The following FNBP1 variants were observed in gnomAD, a reference collection of about 807,000 sequenced individuals.
FNBP1 encodes the protein formin-binding protein 1.
A neutral mutation model predicts 90.6 loss-of-function variants in FNBP1; 26 were observed. The ratio of observed to expected loss-of-function variants is 0.29; its 90% CI spans 0.21 to 0.40. The LOEUF is 0.40. Among genes scored for constraint, FNBP1 ranks in the 10% least tolerant of loss-of-function variants. The pLI is 1.00. For synonymous variants in FNBP1, 260 were observed against 265.2 expected, an observed-to-expected ratio of 0.98 and a Z score of 0.19; for missense variants, 635 against 768.0, an observed-to-expected ratio of 0.83 and a Z score of 2.05.
chr9:130,003,953 T>A (rs1208785873), intron 1 of FNBP1, among the ~76,000 whole-genome samples: 2 of 150,298 alleles, frequency 1.3e-5, no homozygotes, highest in East Asian at 3.9e-4. Flanking sequence ...CTGTAACCTA[T>A]TTTTTGCTCA....
At chr9:129,918,836 C>T (rs565225810) in intron 10 of FNBP1, among the ~76,000 whole-genome samples, 1 of 151,028 alleles carries the variant, frequency 6.6e-6, no homozygotes, top group South Asian at 2.1e-4. Flanking sequence ...AGTCACAGTC[C>T]CTTTAAAGAT....
At position 129,900,098 on chromosome 9, in the gene FNBP1, T is replaced by C. The variant is rs1157205856; in HGVS notation, c.1554A>G (p.Pro518=). The change falls in exon 15 of 17, where the codon CCA becomes CCG. Residue 518 remains proline (P), a synonymous_variant. Transcript: ENST00000446176. The surrounding 1 kb of genome is among the most constrained non-coding windows in gnomAD (Gnocchi z 4.1). ...VNNCAQDRES[P]DGSYTEEQSQ... is the part of the protein sequence containing the mutation. ...TCTGCTCCTCTGTGTAACTGCCATC[T>C]GGGCTGCTCAAGAAAGGAAAACACA... 3.7e-6 allele frequency: 6 copies of C among 1,604,894 alleles called. No individual in the cohort carries two copies. In the Admixed American group the frequency reaches 1.0e-4, roughly 28 times the overall value.
In FNBP1 at chr9:129,937,504, G is replaced by A. The variant is rs973345192; in HGVS notation, c.514-7809C>T. 1.3e-4 allele frequency among the ~76,000 whole-genome samples: 20 copies of A among 152,014 alleles called. 1 individual carries two copies. In the South Asian group the frequency reaches 2.3e-3, roughly 17 times the overall value. On this transcript the variant is annotated intron_variant, in intron 6 of 16. Transcript: ENST00000446176. ...TTCCAGCACTTTGGGAGGCTGAGGC[G>A]GGCGGATCATGAGGCCAGGAGTTCA...
intron 4 of FNBP1, among the ~76,000 whole-genome samples, chr9:129,968,741 A>G (rs1251666594): frequency 1.3e-5 from 2 of 152,234 alleles, no homozygotes; most frequent in East Asian, 3.8e-4. Flanking sequence ...CTGTAAGCAT[A>G]CAGGTCTGAG....
At chr9:129,990,068 G>T (rs1409530154) in intron 2 of FNBP1, among the ~76,000 whole-genome samples, 1 of 152,026 alleles carries the variant, frequency 6.6e-6, no homozygotes, top group Non-Finnish European at 1.5e-5. Flanking sequence ...TTGCTAAATT[G>T]CTAGAAGAGT....
chr9:129,911,947 A>C (rs76795578), intron 11 of FNBP1, among the ~76,000 whole-genome samples: 9,469 of 149,602 alleles, frequency 0.063, 406 homozygotes, highest in Middle Eastern at 0.14. Context: ...AAAAAAAAAA[A>C]CCCAAAAACA....
At chr9:129,927,383 T>C (rs746094145) in intron 7 of FNBP1, 42 bp from the exon 8 acceptor site, 2 of 1,589,358 alleles carry the variant, frequency 1.3e-6, no homozygotes, top group Non-Finnish European at 1.7e-6. Flanking sequence ...TGGTCCATTA[T>C]TATTAAACAA....
intron 6 of FNBP1, among the ~76,000 whole-genome samples, chr9:129,936,755 G>T (rs747749438): frequency 1.3e-5 from 2 of 152,182 alleles, no homozygotes; most frequent in Non-Finnish European, 2.9e-5. Context: ...CACAAATGAG[G>T]TAGAGGCCAC....
chr9:129,934,161 T>TA (rs2132148688), intron 6 of FNBP1, among the ~76,000 whole-genome samples: 1 of 152,332 alleles, frequency 6.6e-6, no homozygotes, highest in East Asian at 1.9e-4. Flanking sequence ...CATCTCTTTT[T>TA]AAAAGTCAGT....
At chr9:130,003,927 A>AAAAAAAAAC (rs2055264696) in intron 1 of FNBP1, among the ~76,000 whole-genome samples, 1 of 151,604 alleles carries the variant, frequency 6.6e-6, no homozygotes, top group African/African-American at 2.4e-5. Flanking sequence ...CCGCCTCAAA[A>AAAAAAAAAC]AAAAAAAGTA....
rs2034809779 is a variant in FNBP1, at chr9:129,887,241, C to G, written c.*3298G>C. 5.4e-6 allele frequency: 1 copy of G among 184,916 alleles called. No homozygotes were observed. The highest frequency in any genetic ancestry group is 6.2e-5 in the Admixed American group (1 of 16,044). 11.5% of individuals were successfully genotyped at this position (184,916 alleles called of 1,614,324 possible). ...TTAACATATAGTTACAAGGTCAATACAAGCCTCCAGTGGAAGCTCTTTATT... is the reference window on the plus strand; with the variant it reads ...TTAACATATAGTTACAAGGTCAATAGAAGCCTCCAGTGGAAGCTCTTTATT... On this transcript the variant is annotated 3_prime_UTR_variant, in exon 17 of 17. Transcript: ENST00000446176.
At chr9:129,984,162 A>G (rs1457816110) in intron 2 of FNBP1, among the ~76,000 whole-genome samples, 5 of 152,096 alleles carry the variant, frequency 3.3e-5, no homozygotes, top group African/African-American at 1.2e-4. Context: ...AGCTCACCAC[A>G]AGATTTCTGG....
chr9:129,959,484 G>A (rs992066580), intron 4 of FNBP1, among the ~76,000 whole-genome samples: 1 of 152,082 alleles, frequency 6.6e-6, no homozygotes, highest in Non-Finnish European at 1.5e-5. Flanking sequence ...AGCTACTTGG[G>A]AGGCTGAGGC....
At position 129,925,123 on chromosome 9, in the gene FNBP1, C is replaced by A. The variant is rs1283269826; in HGVS notation, c.824G>T (p.Gly275Val). Residue 275 changes from glycine (G) to valine (V), a missense_variant, in exon 9 of 17, where the codon GGG (glycine) becomes GTG (valine). Physicochemically the swap from Gly to Val is moderately radical, Grantham distance 109 (BLOSUM62 -3). Transcript: ENST00000446176. ...TTCAATGTCTCCAGGAGGCTCAAACCCTGATTTATAAGCTTCTATTACCAG... is the reference window on the plus strand; with the variant it reads ...TTCAATGTCTCCAGGAGGCTCAAACACTGATTTATAAGCTTCTATTACCAG... ...SQLVIEAYKS[G>V]FEPPGDIEFE... 6.2e-7 allele frequency: 1 copy of A among 1,613,740 alleles called. No homozygotes were observed. The highest frequency in any genetic ancestry group is 1.1e-5 in the South Asian group (1 of 91,068).
In FNBP1 at chr9:129,890,460, A is replaced by T; in HGVS notation, c.*79T>A. 4.1e-6 allele frequency: 5 copies of T among 1,206,054 alleles called. No homozygotes were observed. The highest frequency in any genetic ancestry group is 6.0e-6 in the Non-Finnish European group (5 of 830,636). The allele number at this position is 1,206,054 out of a possible 1,614,324, so 74.7% of individuals were successfully genotyped here. ...CGGAGGGGTGGGCTGTCCACAGGGC[A>T]GGGCGCTGGAGGCCTGTGGGAACAA... is the stretch of plus-strand genomic sequence containing the variant. On this transcript the variant is annotated 3_prime_UTR_variant, in exon 17 of 17. Transcript: ENST00000446176. The surrounding 1 kb of genome is among the most constrained non-coding windows in gnomAD (Gnocchi z 5.8).
At chr9:130,049,347 C>T in the FNBP1 span, among the ~76,000 whole-genome samples, 3 of 152,120 alleles carry the variant, frequency 2.0e-5, no homozygotes, top group Non-Finnish European at 4.4e-5. Flanking sequence ...CTTGATCATG[C>T]CACTGCACTC....
chr9:129,925,589 C>CTTTTTTTTTTTTT (rs576015094), intron 8 of FNBP1, among the ~76,000 whole-genome samples: 3 of 67,124 alleles, frequency 4.5e-5, no homozygotes, highest in South Asian at 7.5e-4. Flanking sequence ...TTCCTAGTAG[C>CTTTTTTTTTTTTT]TTTTTTTTTT....
At chr9:130,006,199 T>C (rs2055669212) in intron 1 of FNBP1, among the ~76,000 whole-genome samples, 1 of 152,172 alleles carries the variant, frequency 6.6e-6, no homozygotes, top group Non-Finnish European at 1.5e-5. Context: ...TCCTAGCACT[T>C]TGGGAGGCCA....
intron 1 of FNBP1, among the ~76,000 whole-genome samples, chr9:130,000,927 T>C (rs965756781): frequency 4.6e-5 from 7 of 152,218 alleles, no homozygotes; most frequent in Non-Finnish European, 2.9e-5. Flanking sequence ...CTTCTCATCT[T>C]ACTATACACA....
Sources: gnomAD v4.1 joint callset for allele counts (sites outside exome capture counted in the v4.1 genomes callset) on GRCh38, gnomAD v4.1.1 for gene constraint, Gnocchi (gnomAD v3.1) non-coding constraint, MANE v1.5 for transcripts, NCBI Gene and HGNC (gene_info 2026-07-23, HGNC 2026-07-21) for gene names.